Variants in CCSER1 observed in about 807,000 individuals in gnomAD.
The protein encoded by CCSER1 is serine-rich coiled-coil domain-containing protein 1.
CCSER1 carries 41 observed loss-of-function variants against 82.0 expected under a neutral mutation model. The observed-to-expected ratio is 0.50, with a 90% confidence interval of 0.39 to 0.65. CCSER1 has a LOEUF of 0.65. Among genes scored for constraint, CCSER1 ranks in the 30% least tolerant of loss-of-function variants. CCSER1 has a pLI of 0.00. For synonymous variants in CCSER1, 414 were observed against 383.9 expected (o/e 1.08, Z -0.92); for missense variants, 1,119 against 1,064.2 (o/e 1.05, Z -0.72).
intron 1 of CCSER1, among the ~76,000 whole-genome samples, chr4:90,275,893 A>T (rs1027152690): frequency 2.0e-5 from 3 of 152,194 alleles, no homozygotes; most frequent in African/African-American, 7.2e-5. Flanking sequence ...AAATATCAAT[A>T]GACCTTTGTG....
At chr4:91,425,502 CAA>C (rs1240863362) in intron 10 of CCSER1, among the ~76,000 whole-genome samples, 1 of 151,962 alleles carries the variant, frequency 6.6e-6, no homozygotes, top group African/African-American at 2.4e-5. Flanking sequence ...ATAGAAGTAA[CAA>C]AGTCTTGTAA....
chr4:90,636,287 G>A (rs907294645), intron 6 of CCSER1, among the ~76,000 whole-genome samples: 8 of 151,592 alleles, frequency 5.3e-5, no homozygotes, highest in Admixed American at 6.6e-5. Context: ...CTAAATTAAT[G>A]TATTTTATTA....
chr4:90,495,769 A>G (rs1320891753), intron 5 of CCSER1, among the ~76,000 whole-genome samples: 4 of 152,194 alleles, frequency 2.6e-5, no homozygotes, highest in Non-Finnish European at 5.9e-5. Flanking sequence ...TACATTAAAT[A>G]AGAGGCCCAC....
intron 1 of CCSER1, among the ~76,000 whole-genome samples, chr4:90,212,985 G>A (rs1266816935): frequency 6.6e-6 from 1 of 152,164 alleles, no homozygotes. Context: ...CCTAACATGT[G>A]TATGGGGGAA....
intron 7 of CCSER1, among the ~76,000 whole-genome samples, chr4:90,783,816 C>T (rs1754124396): frequency 6.6e-6 from 1 of 152,004 alleles, no homozygotes; most frequent in Admixed American, 6.6e-5. Flanking sequence ...CTAAGAAAGA[C>T]ACAGCCCAGG....
Position 90,694,799 on chromosome 4 carries a change from T to G in CCSER1, c.1933-29115T>G, listed in dbSNP as rs933905643. Among the ~76,000 whole-genome samples the G allele has an allele frequency of 2.5e-4, 16 of 64,786 alleles. 1 individual carries two copies. Among genetic ancestry groups the G allele is most frequent in the South Asian group, 2.4e-3 (4 of 1,682 alleles). The allele number at this position is 64,786 out of a possible 152,430, so 42.5% of individuals were successfully genotyped here. On this transcript the variant is annotated intron_variant, in intron 6 of 10. Transcript: ENST00000509176. ...CTCAATGCACGATGTGTGTGTGGGGTGTGTGTGTGTGTGTGTGTGTGTGTG... is the reference window on the plus strand; with the variant it reads ...CTCAATGCACGATGTGTGTGTGGGGGGTGTGTGTGTGTGTGTGTGTGTGTG...
intron 7 of CCSER1, among the ~76,000 whole-genome samples, chr4:90,759,927 G>T (rs1218883155): frequency 6.6e-6 from 1 of 151,660 alleles, no homozygotes; most frequent in East Asian, 1.9e-4. Context: ...AGTTAAAACA[G>T]CTGTATAAAA....
chr4:91,550,015 G>A (rs1762085920), intron 10 of CCSER1, among the ~76,000 whole-genome samples: 2 of 152,018 alleles, frequency 1.3e-5, no homozygotes, highest in South Asian at 4.1e-4. Context: ...AAGGGTATAG[G>A]GAACTGTCAC....
chr4:90,871,675 G>T (rs1766516112), intron 8 of CCSER1, among the ~76,000 whole-genome samples: 1 of 151,670 alleles, frequency 6.6e-6, no homozygotes. Flanking sequence ...CATCTATTAG[G>T]CCCATTTGGT....
chr4:90,476,498 C>T (rs1265455718), intron 5 of CCSER1, among the ~76,000 whole-genome samples: 2 of 152,036 alleles, frequency 1.3e-5, no homozygotes, highest in African/African-American at 4.8e-5. Context: ...GTCAACTATG[C>T]TGTATTACTG....
chr4:91,103,557 C>T (rs1202029676), intron 10 of CCSER1, among the ~76,000 whole-genome samples: 1 of 152,152 alleles, frequency 6.6e-6, no homozygotes, highest in African/African-American at 2.4e-5. Flanking sequence ...AATGGAGGGA[C>T]TGGCTGGAAC....
intron 1 of CCSER1, among the ~76,000 whole-genome samples, chr4:90,153,551 T>C (rs1394917319): frequency 6.6e-6 from 1 of 151,938 alleles, no homozygotes; most frequent in Non-Finnish European, 1.5e-5. Flanking sequence ...GCACCTGTTG[T>C]TTCCTGACTT....
chr4:90,843,422 G>A (rs1291924024), intron 8 of CCSER1, among the ~76,000 whole-genome samples: 1 of 152,124 alleles, frequency 6.6e-6, no homozygotes, highest in African/African-American at 2.4e-5. Context: ...CTTTTCAAAT[G>A]CAAAATATTC....
At chr4:91,546,385 A>ATGTC (rs1176383504) in intron 10 of CCSER1, among the ~76,000 whole-genome samples, 1 of 152,030 alleles carries the variant, frequency 6.6e-6, no homozygotes, top group Non-Finnish European at 1.5e-5. Flanking sequence ...CAGTTAACCC[A>ATGTC]TGTCTTTTTT....
At chr4:90,766,053 T>C (rs545009003) in intron 7 of CCSER1, among the ~76,000 whole-genome samples, 6 of 151,510 alleles carry the variant, frequency 4.0e-5, no homozygotes, top group Middle Eastern at 3.4e-3. Flanking sequence ...AAAGGGAAAA[T>C]GTGTGTGTGT....
chr4:90,156,369 T>C (rs1728174493), intron 1 of CCSER1, among the ~76,000 whole-genome samples: 1 of 152,066 alleles, frequency 6.6e-6, no homozygotes, highest in South Asian at 2.1e-4. Context: ...GGTGGAGAGG[T>C]CTGTAGATTT....
At chr4:90,704,720 C>G (rs1485423300) in intron 6 of CCSER1, among the ~76,000 whole-genome samples, 1 of 152,134 alleles carries the variant, frequency 6.6e-6, no homozygotes, top group Non-Finnish European at 1.5e-5. Flanking sequence ...TCATTTCATT[C>G]ATTTGATCTT....
chr4:90,821,053 A>G (rs1024428637), intron 8 of CCSER1, among the ~76,000 whole-genome samples: 1 of 152,166 alleles, frequency 6.6e-6, no homozygotes, highest in Non-Finnish European at 1.5e-5. Context: ...TGGGGGAAAT[A>G]AGGGCCGCAG....
intron 6 of CCSER1, among the ~76,000 whole-genome samples, chr4:90,629,348 G>T (rs1460399501): frequency 6.6e-6 from 1 of 152,176 alleles, no homozygotes; most frequent in Non-Finnish European, 1.5e-5. Flanking sequence ...AAAGGAAAGA[G>T]ATTTAGTTGA....
Sources: allele counts gnomAD v4.1 joint callset (sites outside exome capture counted in the v4.1 genomes callset), GRCh38; gene constraint gnomAD v4.1.1; transcripts MANE v1.5; gene names NCBI Gene and HGNC (gene_info 2026-07-23, HGNC 2026-07-21).